IREB2: variants seen among roughly 807,000 people sequenced by gnomAD.
IREB2 encodes the protein iron responsive element binding protein 2, also known as iron-responsive element-binding protein 2.
IREB2 carries 39 observed loss-of-function variants against 118.8 expected under a neutral mutation model. That is an observed-to-expected ratio of 0.33 (90% CI 0.25 to 0.43). IREB2 has a LOEUF of 0.43. IREB2 is among the 20% of genes least tolerant of loss of function. The probability of loss-of-function intolerance (pLI) is 1.00; values close to 1 mark genes in which losing one functional copy is unlikely to be tolerated. For synonymous variants in IREB2, 372 were observed against 392.2 expected (o/e 0.95, Z 0.61); for missense variants, 900 against 1,147.3 (o/e 0.78, Z 3.11).
At position 78,499,427 on chromosome 15, in the gene IREB2, T is replaced by TC. The variant is rs907307578; in HGVS notation, c.*1285dup. 1.3e-5 allele frequency: 2 copies of TC among 152,226 alleles called. No individual in the cohort carries two copies. Among genetic ancestry groups the TC allele is most frequent in the African/African-American group, 4.8e-5 (2 of 41,460 alleles). The allele number at this position is 152,226 out of a possible 1,614,324, so 9.4% of individuals were successfully genotyped here. A position where few individuals can be genotyped will look rare whatever the true frequency, so the allele number is the denominator to read the frequency against. ...AAAGGTTAATTGTAGTGATTTTTTT[T>TC]CACATAGATATCTTTCTATGACCTA... On this transcript the variant is annotated 3_prime_UTR_variant, in exon 22 of 22. Coordinates refer to ENST00000258886, the MANE Select transcript of IREB2 (RefSeq NM_004136.4).
intron 16 of IREB2, among the ~76,000 whole-genome samples, chr15:78,489,676 A>G (rs2051717546): frequency 1.3e-5 from 2 of 151,974 alleles, no homozygotes. Context: ...CATCAGGCCC[A>G]GCTAATTTTT....
At chr15:78,457,611 T>C (rs952157896) in intron 2 of IREB2, among the ~76,000 whole-genome samples, 2 of 152,130 alleles carry the variant, frequency 1.3e-5, no homozygotes, top group African/African-American at 4.8e-5. Context: ...TCCTAAACTT[T>C]GTTTCTGCTT....
At chr15:78,468,576 G>A (rs4887057) in intron 5 of IREB2, among the ~76,000 whole-genome samples, 68,473 of 150,866 alleles carry the variant, frequency 0.45, 15,977 homozygotes, top group African/African-American at 0.56. Flanking sequence ...AAAATTACTT[G>A]CACTTTAGGT....
intron 2 of IREB2, among the ~76,000 whole-genome samples, chr15:78,454,244 G>T (rs2051070257): frequency 6.6e-6 from 1 of 152,158 alleles, no homozygotes; most frequent in Admixed American, 6.5e-5. Context: ...AATGATCTTA[G>T]CAGCATTATT....
chr15:78,460,683 T>C (rs1481185883), intron 2 of IREB2, among the ~76,000 whole-genome samples: 1 of 152,220 alleles, frequency 6.6e-6, no homozygotes. Flanking sequence ...AAGGGTTTGT[T>C]ACTGTTGGGT....
At chr15:78,476,980 T>G (rs1443876146) in intron 9 of IREB2, among the ~76,000 whole-genome samples, 3 of 152,204 alleles carry the variant, frequency 2.0e-5, no homozygotes, top group Non-Finnish European at 4.4e-5. Flanking sequence ...TAATCATTGC[T>G]GAGTTACTCA....
At chr15:78,455,006 A>G (rs2051083661) in intron 2 of IREB2, among the ~76,000 whole-genome samples, 1 of 151,906 alleles carries the variant, frequency 6.6e-6, no homozygotes, top group Non-Finnish European at 1.5e-5. Flanking sequence ...GTTAGTTTTA[A>G]AAAAGAGAGA....
intron 2 of IREB2, among the ~76,000 whole-genome samples, chr15:78,446,845 C>A (rs2050937563): frequency 2.0e-5 from 3 of 151,850 alleles, no homozygotes; most frequent in Non-Finnish European, 4.4e-5. Flanking sequence ...CCATGAAGGA[C>A]ATCTGTTGTA....
intron 13 of IREB2, 75 bp downstream of exon 13, chr15:78,485,915 A>T: frequency 1.6e-6 from 2 of 1,227,438 alleles, no homozygotes; most frequent in Middle Eastern, 2.2e-4. Context: ...TGTGCCTTTC[A>T]TATACAAAGA....
chr15:78,496,464 C>T (rs796160675), intron 20 of IREB2, among the ~76,000 whole-genome samples: 16 of 152,214 alleles, frequency 1.1e-4, no homozygotes, highest in South Asian at 8.3e-4. Flanking sequence ...GATGGAGTTT[C>T]ACCATGTTGG....
intron 1 of IREB2, chr15:78,438,623 T>C: frequency 2.1e-6 from 1 of 476,418 alleles, no homozygotes; most frequent in South Asian, 2.9e-5. Context: ...CTCTCTCCGG[T>C]GGCCGCTGCC....
intron 13 of IREB2, among the ~76,000 whole-genome samples, chr15:78,486,450 C>T (rs1268364190): frequency 6.6e-6 from 1 of 152,034 alleles, no homozygotes; most frequent in Non-Finnish European, 1.5e-5. Context: ...ACAAAAAATA[C>T]CAAAATTAGC....
At chr15:78,463,424 A>G (rs964535820) in intron 3 of IREB2, among the ~76,000 whole-genome samples, 1 of 152,104 alleles carries the variant, frequency 6.6e-6, no homozygotes, top group African/African-American at 2.4e-5. Flanking sequence ...CTGGGTGACA[A>G]TGCAAGACCC....
intron 8 of IREB2, 91 bp downstream of exon 8, chr15:78,473,472 T>C (rs1353996560): frequency 1.0e-6 from 1 of 984,556 alleles, no homozygotes. Context: ...TTGGGTTCAT[T>C]ACTGCATCCT....
intron 8 of IREB2, chr15:78,474,774 G>A (rs1045087546): frequency 6.6e-6 from 1 of 151,958 alleles, no homozygotes; most frequent in African/African-American, 2.4e-5. Flanking sequence ...TAAAACCATA[G>A]GCCGGGCGCG....
At chr15:78,482,136 G>A (rs1161278530) in intron 10 of IREB2, among the ~76,000 whole-genome samples, 1 of 152,062 alleles carries the variant, frequency 6.6e-6, no homozygotes, top group Non-Finnish European at 1.5e-5. Flanking sequence ...GGGCTAAGGC[G>A]GGAGGATCAC....
chr15:78,497,155 T>C lies in IREB2; in HGVS notation c.2625T>C (p.Tyr875=), dbSNP rs756109533. 5 of 1,613,864 alleles carry C rather than the reference T, an allele frequency of 3.1e-6. No individual in the cohort carries two copies. The highest frequency in any genetic ancestry group is 1.3e-5 in the African/African-American group (1 of 75,050). Residue 875 remains tyrosine (Y), a synonymous_variant, in exon 21 of 22, where the codon TAT becomes TAC. Transcript: ENST00000258886. ...TGAAAGCTGTTTTGGCCGAAAGTTA[T>C]GAAAAAATACACAAAGATCATTTGA... ...LGVKAVLAES[Y]EKIHKDHLIG...
intron 2 of IREB2, among the ~76,000 whole-genome samples, chr15:78,449,927 A>G (rs1247091899): frequency 6.6e-6 from 1 of 152,190 alleles, no homozygotes; most frequent in Non-Finnish European, 1.5e-5. Context: ...ACCAGTTTAA[A>G]TTACCATCAT....
At chr15:78,439,267 T>C (rs941739427) in intron 1 of IREB2, among the ~76,000 whole-genome samples, 1 of 152,228 alleles carries the variant, frequency 6.6e-6, no homozygotes, top group Non-Finnish European at 1.5e-5. Context: ...GGTAAGGACT[T>C]AACTGAGAAG....
Sources: allele counts gnomAD v4.1 joint callset (sites outside exome capture counted in the v4.1 genomes callset), GRCh38; gene constraint gnomAD v4.1.1; transcripts MANE v1.5; gene names NCBI Gene and HGNC (gene_info 2026-07-23, HGNC 2026-07-21).